The following EPHA7 variants were observed in gnomAD, a reference collection of about 807,000 sequenced individuals.
The protein encoded by EPHA7 is ephrin type-A receptor 7.
EPHA7 carries 25 observed loss-of-function variants against 112.6 expected under a neutral mutation model. The observed-to-expected ratio is 0.22, with a 90% CI of 0.16 to 0.31. The LOEUF (loss-of-function observed/expected upper bound fraction) is 0.31. Among genes scored for constraint, EPHA7 ranks in the 10% least tolerant of loss-of-function variants. EPHA7 has a pLI of 1.00. For missense variants in EPHA7, 962 were observed against 1,212.6 expected (o/e 0.79, Z 3.07); for synonymous variants, 437 against 406.5 (o/e 1.07, Z -0.90).
intron 3 of EPHA7, among the ~76,000 whole-genome samples, chr6:93,389,454 G>A (rs762051166): frequency 6.6e-6 from 1 of 151,960 alleles, no homozygotes; most frequent in Non-Finnish European, 1.5e-5. Flanking sequence ...CTGTCTATTC[G>A]TCTGGAAGAA....
intron 1 of EPHA7, among the ~76,000 whole-genome samples, chr6:93,418,782 C>A (rs1159807611): frequency 6.6e-6 from 1 of 152,140 alleles, no homozygotes; most frequent in African/African-American, 2.4e-5. Context: ...TCCGGGCTCC[C>A]GCCACTCGCC....
At chr6:93,411,899 T>C (rs1374180895) in intron 2 of EPHA7, among the ~76,000 whole-genome samples, 1 of 152,078 alleles carries the variant, frequency 6.6e-6, no homozygotes, top group Non-Finnish European at 1.5e-5. Flanking sequence ...AGTATAAACC[T>C]TCTGACAGGA....
intron 3 of EPHA7, among the ~76,000 whole-genome samples, chr6:93,403,479 A>C (rs912581441): frequency 1.2e-4 from 18 of 151,958 alleles, no homozygotes; most frequent in Non-Finnish European, 2.6e-4. Context: ...AAGTTTAAGT[A>C]CTCAAAAAGA....
intron 5 of EPHA7, among the ~76,000 whole-genome samples, chr6:93,347,473 C>A (rs137946502): frequency 6.6e-6 from 1 of 151,830 alleles, no homozygotes; most frequent in Non-Finnish European, 1.5e-5. Flanking sequence ...ATTTCTACCA[C>A]TGTCATTTCT....
chr6:93,352,172 T>G (rs1355268898), intron 5 of EPHA7, among the ~76,000 whole-genome samples: 1 of 152,142 alleles, frequency 6.6e-6, no homozygotes, highest in Non-Finnish European at 1.5e-5. Flanking sequence ...GTTCCTGATT[T>G]GAAGGATAAT....
rs192616485 is a variant in EPHA7 at position 93,240,529 on chromosome 6, C to A, written c.*2897G>T. On this transcript the variant is annotated 3_prime_UTR_variant, in exon 17 of 17. Transcript: ENST00000369303. ...ACCACCAGTTCTAGTAAACAAGGAC[C>A]AGATCAATTGCTGAGAAAATGTTAG... is the stretch of plus-strand genomic sequence containing the variant. The A allele has an allele frequency of 4.5e-5, 10 of 220,034 alleles. No individual in the cohort carries two copies. Among genetic ancestry groups the A allele is most frequent in the South Asian group, 1.9e-4 (1 of 5,390 alleles). The allele number at this position is 220,034 out of a possible 1,614,324, so 13.6% of individuals were successfully genotyped here. A position where few individuals can be genotyped will look rare whatever the true frequency, so the allele number is the denominator to read the frequency against.
At position 93,240,146 on chromosome 6, in the gene EPHA7, C is replaced by T; in HGVS notation, c.*3280G>A. The T allele has an allele frequency of 4.5e-6, 1 of 224,216 alleles. No individual in the cohort carries two copies. 13.9% of individuals were successfully genotyped at this position (224,216 alleles called of 1,614,324 possible). On this transcript the variant is annotated 3_prime_UTR_variant, in exon 17 of 17. Coordinates refer to ENST00000369303, the MANE Select transcript of EPHA7 (RefSeq NM_004440.4). ...AAGACACTGTTCAAAAGCAGTTTGT[C>T]CTTATAAAAGGATGACCCCTGTAGT...
intron 3 of EPHA7, among the ~76,000 whole-genome samples, chr6:93,401,134 T>A (rs772965252): frequency 1.6e-4 from 25 of 151,934 alleles, no homozygotes; most frequent in Non-Finnish European, 3.1e-4. Context: ...ACAGTATGTG[T>A]CCTTTCAAAG....
intron 5 of EPHA7, among the ~76,000 whole-genome samples, chr6:93,289,819 C>G (rs1315159550): frequency 6.6e-6 from 1 of 152,004 alleles, no homozygotes; most frequent in Non-Finnish European, 1.5e-5. Flanking sequence ...AACACACTTA[C>G]TAATAAAACA....
At chr6:93,400,762 G>C (rs576088098) in intron 3 of EPHA7, among the ~76,000 whole-genome samples, 1 of 151,966 alleles carries the variant, frequency 6.6e-6, no homozygotes, top group African/African-American at 2.4e-5. Flanking sequence ...GGTCTCAAAC[G>C]TCTGGCCTCA....
chr6:93,277,227 T>G (rs1315152909), intron 5 of EPHA7, among the ~76,000 whole-genome samples: 1 of 151,990 alleles, frequency 6.6e-6, no homozygotes, highest in Non-Finnish European at 1.5e-5. Flanking sequence ...CTTTTAGCTT[T>G]CTCACTCTTC....
At chr6:93,345,531 A>C (rs1022230209) in intron 5 of EPHA7, among the ~76,000 whole-genome samples, 1 of 151,656 alleles carries the variant, frequency 6.6e-6, no homozygotes, top group Non-Finnish European at 1.5e-5. Context: ...TGCAGCAATT[A>C]TCTCTCCCTT....
intron 5 of EPHA7, among the ~76,000 whole-genome samples, chr6:93,274,042 C>T (rs1771355002): frequency 6.6e-6 from 1 of 151,940 alleles, no homozygotes; most frequent in African/African-American, 2.4e-5. Flanking sequence ...GAGAATACTG[C>T]AATGGTTAAC....
intron 3 of EPHA7, 43 bp from the exon 4 acceptor site, chr6:93,358,454 ATCGATCTTT>A: frequency 6.6e-7 from 1 of 1,518,004 alleles, no homozygotes; most frequent in Admixed American, 2.1e-5. Flanking sequence ...ATGAGAGCAA[ATCGATCTTT>A]AAAAAAAAAT....
At chr6:93,377,047 T>A (rs1003723482) in intron 3 of EPHA7, among the ~76,000 whole-genome samples, 1 of 152,180 alleles carries the variant, frequency 6.6e-6, no homozygotes, top group East Asian at 1.9e-4. Flanking sequence ...AATTTTCTTA[T>A]CTATGGAATA....
At position 93,257,498 on chromosome 6, in the gene EPHA7, C is replaced by G; in HGVS notation, c.2136G>C (p.Glu712Asp). The change falls in exon 12 of 17, where the codon GAG (glutamate) becomes GAC (aspartate). Residue 712 changes from glutamate (E) to aspartate (D), a missense_variant. By Grantham distance (45) the Glu-to-Asp change is conservative (BLOSUM62 2). Transcript: ENST00000369303. ...CATCTAGGGCTCCATTTTCCATGAA[C>G]TCTATTACTATCATGACTGGTTTCC... ...TRGKPVMIVI[E>D]FMENGALDAF... 6.2e-7 allele frequency: 1 copy of G among 1,611,338 alleles called. No homozygotes were observed. Among genetic ancestry groups the G allele is most frequent in the Non-Finnish European group, 8.5e-7 (1 of 1,178,592 alleles).
At chr6:93,340,483 C>T (rs560348248) in intron 5 of EPHA7, among the ~76,000 whole-genome samples, 1 of 151,848 alleles carries the variant, frequency 6.6e-6, no homozygotes, top group African/African-American at 2.4e-5. Context: ...CGAAATGATG[C>T]TCAAAGGAAA....
chr6:93,376,524 A>G (rs1282355568), intron 3 of EPHA7, among the ~76,000 whole-genome samples: 2 of 152,192 alleles, frequency 1.3e-5, no homozygotes, highest in Admixed American at 1.3e-4. Flanking sequence ...GATCATCATG[A>G]TATATGAGAA....
chr6:93,321,203 G>A (rs1302704312), intron 5 of EPHA7, among the ~76,000 whole-genome samples: 1 of 151,904 alleles, frequency 6.6e-6, no homozygotes, highest in Non-Finnish European at 1.5e-5. Context: ...TCTCCACCAA[G>A]TTTGTCTACA....
Sources: gnomAD v4.1 joint callset for allele counts (sites outside exome capture counted in the v4.1 genomes callset) on GRCh38, gnomAD v4.1.1 for gene constraint, MANE v1.5 for transcripts, NCBI Gene and HGNC (gene_info 2026-07-23, HGNC 2026-07-21) for gene names.